CSMD1: variants seen among roughly 807,000 people sequenced by gnomAD.
The protein encoded by CSMD1 is CUB and sushi domain-containing protein 1.
CSMD1 carries 213 observed loss-of-function variants against 417.5 expected under a neutral mutation model. The observed-to-expected ratio is 0.51, with a 90% CI of 0.46 to 0.57. The LOEUF (loss-of-function observed/expected upper bound fraction) is 0.57. CSMD1 is among the 20% of genes least tolerant of loss of function. The probability of loss-of-function intolerance (pLI) is 0.00; values close to 1 mark genes in which losing one functional copy is unlikely to be tolerated. For synonymous variants in CSMD1, 2,862 were observed against 1,736.8 expected (o/e 1.65, Z -16.11); for missense variants, 6,923 against 4,529.7 (o/e 1.53, Z -15.17).
At chr8:3,727,344 T>C (rs527285732) in intron 6 of CSMD1, among the ~76,000 whole-genome samples, 58 of 152,250 alleles carry the variant, frequency 3.8e-4, no homozygotes, top group Non-Finnish European at 6.6e-4. Flanking sequence ...GCAGTTCCCA[T>C]AAATATACCT....
At chr8:4,316,114 A>T (rs971420924) in intron 3 of CSMD1, among the ~76,000 whole-genome samples, 1 of 152,162 alleles carries the variant, frequency 6.6e-6, no homozygotes, top group Non-Finnish European at 1.5e-5. Context: ...ATTATTGTTA[A>T]CCCTCTTAAC....
intron 1 of CSMD1, among the ~76,000 whole-genome samples, chr8:4,899,195 C>G (rs893118994): frequency 9.2e-5 from 14 of 152,148 alleles, no homozygotes; most frequent in Non-Finnish European, 1.8e-4. Context: ...GGTATATGTC[C>G]TATCGGAAGA....
At chr8:3,937,865 C>T (rs2912287) in intron 5 of CSMD1, among the ~76,000 whole-genome samples, 36,187 of 151,942 alleles carry the variant, frequency 0.24, 4,516 homozygotes, top group East Asian at 0.39. Flanking sequence ...AAATATTACT[C>T]GAATTACTGC....
chr8:4,776,109 T>C (rs1187268589), intron 1 of CSMD1, among the ~76,000 whole-genome samples: 1 of 152,002 alleles, frequency 6.6e-6, no homozygotes, highest in Non-Finnish European at 1.5e-5. Flanking sequence ...CCGGCCCAGA[T>C]TGCCAGGACA....
At chr8:3,854,948 A>G (rs766952156) in intron 5 of CSMD1, among the ~76,000 whole-genome samples, 2 of 152,144 alleles carry the variant, frequency 1.3e-5, no homozygotes, top group African/African-American at 4.8e-5. Context: ...GTGATGCTCA[A>G]TGGAAAAACA....
At chr8:2,969,898 G>C (rs772082764) in intron 57 of CSMD1, among the ~76,000 whole-genome samples, 1 of 152,106 alleles carries the variant, frequency 6.6e-6, no homozygotes, top group Non-Finnish European at 1.5e-5. Context: ...GGCTTATTCA[G>C]CTTCCCATGA....
At chr8:3,536,529 C>A (rs1221870894) in intron 10 of CSMD1, among the ~76,000 whole-genome samples, 3 of 152,140 alleles carry the variant, frequency 2.0e-5, no homozygotes, top group African/African-American at 7.2e-5. Context: ...CGAGGATTGG[C>A]CTCCATGAGA....
chr8:3,634,046 C>G (rs999668518), intron 7 of CSMD1, among the ~76,000 whole-genome samples: 14 of 149,950 alleles, frequency 9.3e-5, no homozygotes, highest in Non-Finnish European at 1.8e-4. Context: ...AAATAAAGGG[C>G]TGACTCAGCA....
At chr8:4,744,525 A>C (rs1201396571) in intron 1 of CSMD1, among the ~76,000 whole-genome samples, 1 of 152,276 alleles carries the variant, frequency 6.6e-6, no homozygotes, top group South Asian at 2.1e-4. Context: ...TGGTATATGA[A>C]TTACCTGTCT....
chr8:3,284,399 C>T, intron 25 of CSMD1, 53 bp from the exon 26 acceptor site: 5 of 1,382,146 alleles, frequency 3.6e-6, no homozygotes, highest in Non-Finnish European at 5.1e-6. Context: ...CATGTCCTGA[C>T]CCCATAGCTG....
At chr8:4,461,089 T>C (rs1027979736) in intron 2 of CSMD1, among the ~76,000 whole-genome samples, 2 of 150,714 alleles carry the variant, frequency 1.3e-5, no homozygotes, top group African/African-American at 2.5e-5. Context: ...ATCTCAGGAA[T>C]GCAAGATAGG....
chr8:3,185,459 A>G (rs1239532476), intron 36 of CSMD1, among the ~76,000 whole-genome samples: 2 of 152,286 alleles, frequency 1.3e-5, no homozygotes, highest in East Asian at 3.9e-4. Context: ...TCTGCTGGTA[A>G]TGCCTGCATT....
chr8:4,554,766 G>C (rs1486896759), intron 2 of CSMD1, among the ~76,000 whole-genome samples: 1 of 152,186 alleles, frequency 6.6e-6, no homozygotes, highest in Non-Finnish European at 1.5e-5. Context: ...GCTAGTCATT[G>C]GCCAGGGAAA....
At chr8:3,689,457 C>T (rs941890982) in intron 7 of CSMD1, among the ~76,000 whole-genome samples, 10 of 152,158 alleles carry the variant, frequency 6.6e-5, no homozygotes, top group African/African-American at 1.7e-4. Flanking sequence ...TATGGATAGA[C>T]GTAGAAAGAT....
chr8:3,714,060 A>ATAGATAGATAGT (rs1326395243), intron 6 of CSMD1, among the ~76,000 whole-genome samples: 1 of 150,930 alleles, frequency 6.6e-6, no homozygotes, highest in South Asian at 2.1e-4. Context: ...AGATAGATAG[A>ATAGATAGATAGT]TGTCCACATA....
chr8:4,432,299 C>T (rs545467656), intron 2 of CSMD1, among the ~76,000 whole-genome samples: 9 of 152,176 alleles, frequency 5.9e-5, no homozygotes, highest in African/African-American at 2.2e-4. Flanking sequence ...GAGGCAAGAG[C>T]CCAGAGACTA....
At chr8:4,853,730 A>G (rs1048570803) in intron 1 of CSMD1, among the ~76,000 whole-genome samples, 5 of 152,132 alleles carry the variant, frequency 3.3e-5, no homozygotes, top group Non-Finnish European at 5.9e-5. Flanking sequence ...GCATCATGCA[A>G]TCTCGTCATG....
At chr8:3,879,977 G>C (rs1806104212) in intron 5 of CSMD1, among the ~76,000 whole-genome samples, 1 of 152,230 alleles carries the variant, frequency 6.6e-6, no homozygotes, top group East Asian at 1.9e-4. Flanking sequence ...ATTGTATTAA[G>C]ATGGACTGGT....
Position 4,495,063 on chromosome 8 carries a change from G to C in CSMD1, c.303-74998C>G, listed in dbSNP as rs140819022. On this transcript the variant is annotated intron_variant, in intron 2 of 69. Coordinates refer to ENST00000635120, the MANE Select transcript of CSMD1 (RefSeq NM_033225.6). ...GTGGCAGAAAAGCACTAGGGACAGG[G>C]AGACAAGGAAAGAAACCAGATTCAC... 6.8e-4 allele frequency among the ~76,000 whole-genome samples: 103 copies of C among 152,208 alleles called. No homozygotes were observed. The East Asian group carries it at 0.015, about 21-fold the overall frequency.
Sources: gnomAD v4.1 joint callset for allele counts (sites outside exome capture counted in the v4.1 genomes callset) on GRCh38, gnomAD v4.1.1 for gene constraint, MANE v1.5 for transcripts, NCBI Gene and HGNC (gene_info 2026-07-23, HGNC 2026-07-21) for gene names.